Variants in NSA2 observed in about 807,000 individuals in gnomAD.
The protein encoded by NSA2 is NSA2 ribosome biogenesis factor, also known as ribosome biogenesis protein NSA2 homolog.
In NSA2, 18 loss-of-function variants were observed where a neutral mutation model predicts 34.8. That is an observed-to-expected ratio of 0.52 (90% CI 0.36 to 0.77). The LOEUF is 0.77. Ranked by LOEUF, NSA2 falls within the 30% of genes least tolerant of loss-of-function variation. The pLI, the probability that NSA2 is intolerant of heterozygous loss-of-function variation, is 0.00. For missense variants in NSA2, 188 were observed against 314.7 expected (o/e 0.60, Z 3.05); for synonymous variants, 79 against 100.2 (o/e 0.79, Z 1.26).
intron 4 of NSA2, among the ~76,000 whole-genome samples, chr5:74,771,872 AAAAAAG>A (rs1332261292): frequency 2.0e-5 from 3 of 151,758 alleles, no homozygotes; most frequent in East Asian, 1.9e-4. Flanking sequence ...AAAAAAAAGA[AAAAAAG>A]AAAAAGAAAA....
intron 4 of NSA2, among the ~76,000 whole-genome samples, chr5:74,773,543 G>A (rs1011899278): frequency 6.6e-6 from 1 of 151,996 alleles, no homozygotes; most frequent in South Asian, 2.1e-4. Flanking sequence ...AGGAGCCTGA[G>A]GTGGGAGGAT....
Position 74,774,021 on chromosome 5 carries a change from G to A in NSA2, c.676G>A (p.Glu226Lys). Residue 226 changes from glutamate to lysine, a missense_variant, in exon 5 of 6, where the codon GAA becomes AAA. By Grantham distance (56) the Glu-to-Lys change is moderately conservative. Coordinates refer to ENST00000610426, the MANE Select transcript of NSA2 (RefSeq NM_014886.6). ...TACTGTCATTGAAGTAAATGTGAGC[G>A]AATTGGGCCTTGTGACACAAGGAGG... ...KGTVIEVNVS[E>K]LGLVTQGGKV... The A allele has an allele frequency of 1.9e-6, 3 of 1,613,824 alleles. No individual in the cohort carries two copies. The highest frequency in any genetic ancestry group is 2.5e-6 in the Non-Finnish European group (3 of 1,179,886).
chr5:74,772,920 A>G (rs776134742), intron 4 of NSA2, among the ~76,000 whole-genome samples: 3 of 152,196 alleles, frequency 2.0e-5, no homozygotes, highest in Non-Finnish European at 4.4e-5. Flanking sequence ...ACTACACCCT[A>G]AAAGACCTTA....
intron 5 of NSA2, among the ~76,000 whole-genome samples, chr5:74,775,961 C>T (rs562015401): frequency 2.6e-5 from 4 of 152,298 alleles, no homozygotes; most frequent in Admixed American, 1.3e-4. Context: ...TGACTTGAAA[C>T]TCATTTGAAA....
chr5:74,769,008 G>A lies in NSA2; in HGVS notation c.81G>A (p.Lys27=), dbSNP rs752108107. Residue 27 remains lysine, a synonymous_variant, in exon 2 of 6, where the codon AAG becomes AAA. Coordinates refer to ENST00000610426, the MANE Select transcript of NSA2 (RefSeq NM_014886.6). Reference sequence around the variant, plus strand: ...ATTACCATGAGAAAAAGAGAAAGAAGGAAAGTCGAGAGGCTCATGAACGTT... The same window carrying A: ...ATTACCATGAGAAAAAGAGAAAGAAAGAAAGTCGAGAGGCTCATGAACGTT... ...RLDYHEKKRK[K]ESREAHERSK... is the part of the protein sequence containing the mutation. The A allele has an allele frequency of 3.7e-6, 6 of 1,610,748 alleles. No homozygotes were observed. In the South Asian group the frequency reaches 4.4e-5, roughly 12 times the overall value.
chr5:74,773,864 C>A lies in NSA2; in HGVS notation c.523-4C>A. 1 of 1,609,426 alleles carries A rather than the reference C, an allele frequency of 6.2e-7. No homozygotes were observed. Among genetic ancestry groups the A allele is most frequent in the Non-Finnish European group, 8.5e-7 (1 of 1,177,484 alleles). On this transcript the variant is annotated splice_region_variant and splice_polypyrimidine_tract_variant and intron_variant, in intron 4 of 5. Coordinates refer to ENST00000610426, the MANE Select transcript of NSA2 (RefSeq NM_014886.6). ...ACATTCTTATGTTGTGTTTGACTTA[C>A]TAGGGCTTGCGTTTCAAGAAAGCCC...
At chr5:74,770,505 G>A (rs1033065760) in intron 3 of NSA2, 126 bp from the exon 4 acceptor site, 22 of 708,218 alleles carry the variant, frequency 3.1e-5, no homozygotes, top group Non-Finnish European at 4.7e-5. Flanking sequence ...AGACGGTTGA[G>A]CCAAAAATGT....
At chr5:74,772,124 A>G (rs926477939) in intron 4 of NSA2, among the ~76,000 whole-genome samples, 1 of 137,030 alleles carries the variant, frequency 7.3e-6, no homozygotes, top group African/African-American at 2.7e-5. Flanking sequence ...AACCTGAGTA[A>G]TTTTTTTTTT....
In NSA2 at chr5:74,770,617, T is replaced by A. The variant is rs1033977374; in HGVS notation, c.343-14T>A. The A allele has an allele frequency of 9.0e-6, 14 of 1,558,868 alleles. No individual in the cohort carries two copies. Among genetic ancestry groups the A allele is most frequent in the Middle Eastern group, 3.5e-4 (2 of 5,796 alleles). The stretch of plus-strand genomic sequence containing the variant: ...TAATAACAATATAAACTTTTAACTG[T>A]GGCATATTTTTAGGGAAAATGGGAA... On this transcript the variant is annotated splice_polypyrimidine_tract_variant and intron_variant, in intron 3 of 5. Coordinates refer to ENST00000610426, the MANE Select transcript of NSA2 (RefSeq NM_014886.6).
At position 74,770,649 on chromosome 5, in the gene NSA2, C is replaced by T. The variant is rs146533975; in HGVS notation, c.361C>T (p.Leu121=). ...KEKAGKWEVP[L]PKVRAQGETE... ...TTTTTAGGGAAAATGGGAAGTCCCTCTGCCTAAAGTACGTGCCCAGGGAGA... is the reference window on the plus strand; with the variant it reads ...TTTTTAGGGAAAATGGGAAGTCCCTTTGCCTAAAGTACGTGCCCAGGGAGA... Residue 121 remains leucine, a synonymous_variant, in exon 4 of 6, where the codon CTG becomes TTG. Transcript: ENST00000610426. 178 of 1,585,764 alleles carry T rather than the reference C, an allele frequency of 1.1e-4. 2 individuals are homozygous for T. The East Asian group carries it at 4.0e-3, about 36-fold the overall frequency.
rs768100469 is a variant in NSA2 at position 74,775,298 on chromosome 5, T to C, written c.715+1238T>C. On this transcript the variant is annotated intron_variant, in intron 5 of 5. Transcript: ENST00000610426. ...TCCCATTAACAGGTCTCAGAAATCA[T>C]GTAGAAGCTTCCAGGCTTTAAAAAG... Among the ~76,000 whole-genome samples the C allele has an allele frequency of 7.9e-4, 120 of 152,046 alleles. 2 individuals carry two copies. Among genetic ancestry groups the C allele is most frequent in the Non-Finnish European group, 1.5e-3 (105 of 68,002 alleles).
At chr5:74,768,295 G>T (rs1744780581) in intron 1 of NSA2, among the ~76,000 whole-genome samples, 1 of 152,164 alleles carries the variant, frequency 6.6e-6, no homozygotes, top group East Asian at 1.9e-4. Context: ...AAAAAGGATT[G>T]AAGTTCCTAT....
At chr5:74,771,870 GA>G (rs869172253) in intron 4 of NSA2, among the ~76,000 whole-genome samples, 13 of 98,906 alleles carry the variant, frequency 1.3e-4, no homozygotes, top group South Asian at 5.9e-4. Flanking sequence ...AAAAAAAAAA[GA>G]AAAAAAGAAA....
intron 4 of NSA2, among the ~76,000 whole-genome samples, chr5:74,772,301 A>AT (rs1744967898): frequency 2.0e-5 from 3 of 151,396 alleles, no homozygotes; most frequent in South Asian, 2.1e-4. Context: ...ATTTTTTTGT[A>AT]TTTTTTTGTA....
chr5:74,770,115 G>A (rs971705100), intron 3 of NSA2, among the ~76,000 whole-genome samples: 5 of 152,118 alleles, frequency 3.3e-5, no homozygotes, highest in African/African-American at 9.7e-5. Context: ...TGGATCACCT[G>A]AGGTCAGGAG....
rs1453405660 is a variant in NSA2 at position 74,779,566 on chromosome 5, CAT to C, written c.*2897_*2898del. 2.6e-5 allele frequency: 4 copies of C among 151,108 alleles called. No individual in the cohort carries two copies. Among genetic ancestry groups the C allele is most frequent in the Admixed American group, 1.3e-4 (2 of 15,186 alleles). 9.4% of individuals were successfully genotyped at this position (151,108 alleles called of 1,614,324 possible). A position where few individuals can be genotyped will look rare whatever the true frequency, so the allele number is the denominator to read the frequency against. On this transcript the variant is annotated 3_prime_UTR_variant, in exon 6 of 6. Transcript: ENST00000610426. ...CTTTGTGATATTGACAGAAGTTTCT[CAT>C]AAAATGTATAAAACAGCATAAATGT...
In NSA2 at chr5:74,774,037, C is replaced by T. The variant is rs1160142852; in HGVS notation, c.692C>T (p.Thr231Ile). The change falls in exon 5 of 6, where the codon ACA (threonine) becomes ATA (isoleucine). Residue 231 changes from threonine (T) to isoleucine (I), a missense_variant. Physicochemically the swap from Thr to Ile is moderately conservative, Grantham distance 89. Transcript: ENST00000610426. ...EVNVSELGLVTQGGKVIWGKY... is the reference protein window; with the variant it reads ...EVNVSELGLVIQGGKVIWGKY... ...AATGTGAGCGAATTGGGCCTTGTGA[C>T]ACAAGGAGGCAAAGTTATTTGGGGT... 3 of 1,613,606 alleles carry T rather than the reference C, an allele frequency of 1.9e-6. No homozygotes were observed. Among genetic ancestry groups the T allele is most frequent in the South Asian group, 1.1e-5 (1 of 91,024 alleles).
chr5:74,776,297 C>A (rs1465621439), intron 5 of NSA2, among the ~76,000 whole-genome samples: 1 of 152,072 alleles, frequency 6.6e-6, no homozygotes, highest in Non-Finnish European at 1.5e-5. Context: ...CTCAGGAGTT[C>A]GAGCCCAGCC....
rs1377386270 is a variant in NSA2 at position 74,777,309 on chromosome 5, G to A, written c.*638G>A. On this transcript the variant is annotated 3_prime_UTR_variant, in exon 6 of 6. Coordinates refer to ENST00000610426, the MANE Select transcript of NSA2 (RefSeq NM_014886.6). Reference sequence around the variant, plus strand: ...ATGAAAAAAATATACTAAAGTCTTTGTACTCTCTTAGCATTTTCTGTATTC... The same window carrying A: ...ATGAAAAAAATATACTAAAGTCTTTATACTCTCTTAGCATTTTCTGTATTC... 1 of 151,876 alleles carries A rather than the reference G, an allele frequency of 6.6e-6. No homozygotes were observed. The highest frequency in any genetic ancestry group is 2.4e-5 in the African/African-American group (1 of 41,358). The allele number at this position is 151,876 out of a possible 1,614,324, so 9.4% of individuals were successfully genotyped here.
Sources: allele counts gnomAD v4.1 joint callset (sites outside exome capture counted in the v4.1 genomes callset), GRCh38; gene constraint gnomAD v4.1.1; transcripts MANE v1.5; gene names NCBI Gene and HGNC (gene_info 2026-07-23, HGNC 2026-07-21).